Variants in EHBP1 observed in about 807,000 individuals in gnomAD.
EHBP1 encodes the protein EH domain binding protein 1.
EHBP1 carries 55 observed loss-of-function variants against 144.0 expected under a neutral mutation model. The ratio of observed to expected loss-of-function variants is 0.38; its 90% confidence interval spans 0.31 to 0.48. The LOEUF (loss-of-function observed/expected upper bound fraction) is 0.48, where lower values mean the gene tolerates loss of function less well. Ranked by LOEUF, EHBP1 falls within the 20% of genes least tolerant of loss-of-function variation. The probability of loss-of-function intolerance (pLI) is 0.98; values close to 1 mark genes in which losing one functional copy is unlikely to be tolerated. For missense variants in EHBP1, 1,200 were observed against 1,364.2 expected, an observed-to-expected ratio of 0.88 and a Z score of 1.90; for synonymous variants, 469 against 472.7, an observed-to-expected ratio of 0.99 and a Z score of 0.10.
intron 10 of EHBP1, among the ~76,000 whole-genome samples, chr2:62,931,443 T>C (rs2055982976): frequency 6.6e-6 from 1 of 152,172 alleles, no homozygotes; most frequent in Non-Finnish European, 1.5e-5. Context: ...GGTGTGAATT[T>C]AAAATGATAC....
At chr2:63,018,205 TA>T (rs2060563893) in intron 19 of EHBP1, among the ~76,000 whole-genome samples, 1 of 152,190 alleles carries the variant, frequency 6.6e-6, no homozygotes, top group Non-Finnish European at 1.5e-5. Context: ...TTAAGGTGCT[TA>T]TAGTACTTTT....
At chr2:62,891,158 C>CAA (rs34477729) in intron 10 of EHBP1, among the ~76,000 whole-genome samples, 3 of 66,006 alleles carry the variant, frequency 4.5e-5, no homozygotes, top group African/African-American at 7.0e-5. Flanking sequence ...GCCTGGGCGA[C>CAA]AAAAAAAAAA....
intron 5 of EHBP1, among the ~76,000 whole-genome samples, chr2:62,822,562 T>G (rs1393377182): frequency 6.6e-6 from 1 of 152,178 alleles, no homozygotes; most frequent in Non-Finnish European, 1.5e-5. Context: ...AGAATTTCTC[T>G]AGGACATATT....
chr2:62,800,081 A>T (rs895550076), intron 5 of EHBP1, among the ~76,000 whole-genome samples: 1 of 152,232 alleles, frequency 6.6e-6, no homozygotes, highest in Non-Finnish European at 1.5e-5. Context: ...TATGCCAGTC[A>T]TGTCCAGCCC....
chr2:62,874,684 T>C (rs1285720949), intron 10 of EHBP1, 152 bp downstream of exon 10: 2 of 642,304 alleles, frequency 3.1e-6, no homozygotes, highest in Non-Finnish European at 5.1e-6. Context: ...ACTGCATTTA[T>C]GTTTGTGAGC....
intron 12 of EHBP1, 85 bp from the exon 13 acceptor site, chr2:62,948,175 A>G (rs1450785350): frequency 4.6e-6 from 6 of 1,290,578 alleles, no homozygotes; most frequent in Admixed American, 2.7e-5. Flanking sequence ...GTACCCAAAC[A>G]ACAAAAATTA....
At chr2:62,860,112 C>G (rs1329200384) in intron 8 of EHBP1, among the ~76,000 whole-genome samples, 1 of 152,148 alleles carries the variant, frequency 6.6e-6, no homozygotes, top group African/African-American at 2.4e-5. Context: ...TTACCAGACT[C>G]TAAATTATTA....
intron 1 of EHBP1, among the ~76,000 whole-genome samples, chr2:62,682,167 A>G (rs185707940): frequency 4.5e-4 from 68 of 152,392 alleles, no homozygotes; most frequent in African/African-American, 1.5e-3. Flanking sequence ...ACATGCCTAC[A>G]TTGTCAGGGA....
intron 15 of EHBP1, among the ~76,000 whole-genome samples, chr2:62,989,013 T>C (rs1270092298): frequency 6.6e-6 from 1 of 152,156 alleles, no homozygotes; most frequent in Non-Finnish European, 1.5e-5. Flanking sequence ...CATGCCCTTT[T>C]GTCAGTAGCT....
chr2:62,756,168 G>A (rs1273500304), intron 3 of EHBP1, among the ~76,000 whole-genome samples: 3 of 149,338 alleles, frequency 2.0e-5, no homozygotes, highest in Non-Finnish European at 3.0e-5. Flanking sequence ...TTATTTCATT[G>A]CATTTACATT....
At chr2:62,852,965 A>C (rs563521169) in intron 7 of EHBP1, among the ~76,000 whole-genome samples, 3 of 152,182 alleles carry the variant, frequency 2.0e-5, no homozygotes, top group Admixed American at 1.3e-4. Context: ...AAAAAGTTCA[A>C]TTGGTATTAA....
At chr2:62,786,029 A>T (rs1056918741) in intron 5 of EHBP1, among the ~76,000 whole-genome samples, 3 of 152,156 alleles carry the variant, frequency 2.0e-5, no homozygotes, top group Non-Finnish European at 4.4e-5. Flanking sequence ...GTAACCAACT[A>T]AACATTGTTA....
At chr2:62,844,442 G>GA (rs940301371) in intron 7 of EHBP1, among the ~76,000 whole-genome samples, 3 of 152,154 alleles carry the variant, frequency 2.0e-5, no homozygotes, top group African/African-American at 7.2e-5. Context: ...AAAAATCACT[G>GA]AAATGTAGCA....
chr2:63,013,206 A>G (rs2060340909), intron 19 of EHBP1, among the ~76,000 whole-genome samples: 1 of 152,238 alleles, frequency 6.6e-6, no homozygotes, highest in Admixed American at 6.5e-5. Flanking sequence ...TTTATAACAA[A>G]GAGCAGAAAG....
chr2:62,679,480 T>C (rs1441272979), intron 1 of EHBP1, among the ~76,000 whole-genome samples: 6 of 152,204 alleles, frequency 3.9e-5, no homozygotes, highest in Non-Finnish European at 8.8e-5. Context: ...TATTTTCTTT[T>C]AGATTATTTT....
At chr2:62,916,230 G>A (rs183695615) in intron 10 of EHBP1, among the ~76,000 whole-genome samples, 187 of 152,080 alleles carry the variant, frequency 1.2e-3, no homozygotes, top group Non-Finnish European at 1.3e-3. Context: ...CTGGATCTCT[G>A]GAGGGAAAAT....
chr2:63,009,585 T>C (rs1238278166), intron 19 of EHBP1, among the ~76,000 whole-genome samples: 1 of 151,618 alleles, frequency 6.6e-6, no homozygotes, highest in African/African-American at 2.4e-5. Context: ...AATTTTAAGA[T>C]ATCCTTATAA....
At chr2:62,927,204 G>A (rs1326009476) in intron 10 of EHBP1, among the ~76,000 whole-genome samples, 1 of 152,138 alleles carries the variant, frequency 6.6e-6, no homozygotes, top group Non-Finnish European at 1.5e-5. Context: ...AGGCAGGGGA[G>A]GTGGTGGGGA....
intron 2 of EHBP1, among the ~76,000 whole-genome samples, chr2:62,729,553 A>T (rs1205913648): frequency 8.9e-5 from 11 of 123,538 alleles, no homozygotes; most frequent in African/African-American, 2.5e-4. Context: ...TATTATATAT[A>T]ATATATAATA....
Sources: allele counts gnomAD v4.1 joint callset (sites outside exome capture counted in the v4.1 genomes callset), GRCh38; gene constraint gnomAD v4.1.1; transcripts MANE v1.5; gene names NCBI Gene and HGNC (gene_info 2026-07-23, HGNC 2026-07-21).